Variants in GALNTL6 observed in about 807,000 individuals in gnomAD.
GALNTL6 encodes the protein polypeptide N-acetylgalactosaminyltransferase like 6.
A neutral mutation model predicts 73.7 loss-of-function variants in GALNTL6; 46 were observed. The ratio of observed to expected loss-of-function variants is 0.62; its 90% CI spans 0.49 to 0.80. The LOEUF is 0.80. GALNTL6 is among the 30% of genes least tolerant of loss of function. The pLI is 0.00. For missense variants in GALNTL6, 604 were observed against 755.0 expected, an observed-to-expected ratio of 0.80 and a Z score of 2.34; for synonymous variants, 259 against 263.7, an observed-to-expected ratio of 0.98 and a Z score of 0.17.
chr4:173,012,510 G>A (rs1179391279), intron 11 of GALNTL6, among the ~76,000 whole-genome samples: 1 of 152,188 alleles, frequency 6.6e-6, no homozygotes, highest in Admixed American at 6.5e-5. Context: ...ACAGCCTCAT[G>A]GTATTCTAGG....
intron 2 of GALNTL6, among the ~76,000 whole-genome samples, chr4:171,965,546 C>T (rs920811896): frequency 6.6e-6 from 1 of 150,758 alleles, no homozygotes; most frequent in African/African-American, 2.4e-5. Flanking sequence ...ATCCCAGCTA[C>T]TTGGTAGGCT....
At chr4:172,393,707 A>T (rs908212883) in intron 5 of GALNTL6, among the ~76,000 whole-genome samples, 6 of 152,244 alleles carry the variant, frequency 3.9e-5, no homozygotes, top group African/African-American at 1.4e-4. Flanking sequence ...GTGTTCAATT[A>T]AATGTGGTAA....
intron 2 of GALNTL6, among the ~76,000 whole-genome samples, chr4:171,903,218 T>A (rs1737156287): frequency 6.6e-6 from 1 of 152,072 alleles, no homozygotes; most frequent in Non-Finnish European, 1.5e-5. Context: ...TTTCTGCATT[T>A]CCATCTGAGG....
chr4:171,888,607 A>T (rs571078163), intron 2 of GALNTL6, among the ~76,000 whole-genome samples: 1 of 152,134 alleles, frequency 6.6e-6, no homozygotes, highest in African/African-American at 2.4e-5. Context: ...AATTGGCAAA[A>T]TCTAAACAAG....
intron 5 of GALNTL6, among the ~76,000 whole-genome samples, chr4:172,407,463 A>T (rs1055514775): frequency 1.3e-5 from 2 of 152,100 alleles, no homozygotes; most frequent in Admixed American, 1.3e-4. Flanking sequence ...AATGTCTACT[A>T]TGTGCAAATG....
intron 4 of GALNTL6, among the ~76,000 whole-genome samples, chr4:172,323,856 A>AG (rs1740843515): frequency 6.6e-6 from 1 of 152,080 alleles, no homozygotes; most frequent in African/African-American, 2.4e-5. Context: ...TGTCTAAAAC[A>AG]CCATTTTTGC....
intron 5 of GALNTL6, among the ~76,000 whole-genome samples, chr4:172,576,758 A>G (rs1736970745): frequency 6.6e-6 from 1 of 152,192 alleles, no homozygotes; most frequent in Non-Finnish European, 1.5e-5. Flanking sequence ...TCACTAAGAA[A>G]AAGCCTAATA....
intron 5 of GALNTL6, among the ~76,000 whole-genome samples, chr4:172,754,957 T>A (rs1271662703): frequency 6.6e-6 from 1 of 152,106 alleles, no homozygotes; most frequent in Non-Finnish European, 1.5e-5. Flanking sequence ...TCAGTCCAAC[T>A]CTTGTGTCAT....
intron 5 of GALNTL6, among the ~76,000 whole-genome samples, chr4:172,369,829 C>T (rs1355455395): frequency 6.6e-6 from 1 of 152,134 alleles, no homozygotes. Flanking sequence ...CTCATGCAGC[C>T]CCGGTTCCCA....
At chr4:172,983,257 T>A (rs977858122) in intron 10 of GALNTL6, among the ~76,000 whole-genome samples, 1 of 152,100 alleles carries the variant, frequency 6.6e-6, no homozygotes, top group Admixed American at 6.6e-5. Context: ...CCCTAGAGCT[T>A]CTGGAGGAAG....
intron 5 of GALNTL6, among the ~76,000 whole-genome samples, chr4:172,787,930 T>C (rs2110918388): frequency 6.6e-6 from 1 of 152,312 alleles, no homozygotes; most frequent in South Asian, 2.1e-4. Context: ...ATCTTTTCAA[T>C]AATTTTAGAG....
intron 10 of GALNTL6, among the ~76,000 whole-genome samples, chr4:172,969,900 C>A (rs1034563588): frequency 2.0e-5 from 3 of 152,164 alleles, no homozygotes; most frequent in Admixed American, 6.5e-5. Context: ...TAGTTTATTT[C>A]TATTTTCCCT....
At chr4:172,253,734 G>T (rs558220175) in intron 3 of GALNTL6, among the ~76,000 whole-genome samples, 7 of 151,812 alleles carry the variant, frequency 4.6e-5, no homozygotes, top group Non-Finnish European at 8.8e-5. Context: ...AATATAATCA[G>T]CACATCAAAT....
chr4:171,960,421 G>T (rs1739186553), intron 2 of GALNTL6, among the ~76,000 whole-genome samples: 2 of 151,766 alleles, frequency 1.3e-5, no homozygotes, highest in South Asian at 4.2e-4. Context: ...GGTTTTACAG[G>T]CACATGCCAC....
chr4:172,608,654 G>GT (rs1053934447), intron 5 of GALNTL6, among the ~76,000 whole-genome samples: 3 of 151,960 alleles, frequency 2.0e-5, no homozygotes, highest in African/African-American at 7.2e-5. Flanking sequence ...TTTTGGAATA[G>GT]TTTTTTTCTA....
intron 2 of GALNTL6, among the ~76,000 whole-genome samples, chr4:171,964,248 G>C (rs990477565): frequency 6.6e-6 from 1 of 151,344 alleles, no homozygotes; most frequent in East Asian, 1.9e-4. Context: ...AGAGTAACTT[G>C]TTAGTTTCTA....
At chr4:172,385,918 CAT>C (rs58300171) in intron 5 of GALNTL6, among the ~76,000 whole-genome samples, 3,899 of 151,636 alleles carry the variant, frequency 0.026, 158 homozygotes, top group African/African-American at 0.084. Context: ...CACACACACA[CAT>C]ATATATATTT....
At chr4:172,719,790 A>G (rs1216402209) in intron 5 of GALNTL6, among the ~76,000 whole-genome samples, 1 of 152,132 alleles carries the variant, frequency 6.6e-6, no homozygotes, top group Non-Finnish European at 1.5e-5. Flanking sequence ...TAGGAAAGTA[A>G]AGGAATAAAA....
intron 7 of GALNTL6, among the ~76,000 whole-genome samples, chr4:172,815,581 C>T (rs1741557657): frequency 6.6e-6 from 1 of 152,102 alleles, no homozygotes; most frequent in Admixed American, 6.5e-5. Flanking sequence ...ATCAAAATGC[C>T]GTCAGAGGAA....
Sources: gnomAD v4.1 joint callset for allele counts (sites outside exome capture counted in the v4.1 genomes callset) on GRCh38, gnomAD v4.1.1 for gene constraint, MANE v1.5 for transcripts, NCBI Gene and HGNC (gene_info 2026-07-23, HGNC 2026-07-21) for gene names.